PCSK5: variants seen among roughly 807,000 people sequenced by gnomAD.
PCSK5 encodes proprotein convertase subtilisin/kexin type 5, also known as prohormone convertase 5.
PCSK5 carries 129 observed loss-of-function variants against 233.2 expected under a neutral mutation model. The observed-to-expected ratio is 0.55, with a 90% confidence interval of 0.48 to 0.64. The LOEUF is 0.64. Ranked by LOEUF, PCSK5 falls within the 30% of genes least tolerant of loss-of-function variation. PCSK5 has a pLI of 0.00. For synonymous variants in PCSK5, 825 were observed against 879.2 expected, an observed-to-expected ratio of 0.94 and a Z score of 1.09; for missense variants, 2,076 against 2,430.1, an observed-to-expected ratio of 0.85 and a Z score of 3.06.
At chr9:76,296,607 A>G in intron 26 of PCSK5, 58 bp from the exon 27 acceptor site, 1 of 1,143,446 alleles carries the variant, frequency 8.7e-7, no homozygotes, top group Non-Finnish European at 1.3e-6. Flanking sequence ...CCTCTTTAGA[A>G]CTTGGCCTTG....
chr9:76,204,178 T>C (rs918144889), intron 20 of PCSK5, among the ~76,000 whole-genome samples: 5 of 152,202 alleles, frequency 3.3e-5, no homozygotes, highest in South Asian at 2.1e-4. Flanking sequence ...TGAGTTTCTC[T>C]TGAATCTGTC....
chr9:76,219,784 T>G (rs971928980), intron 20 of PCSK5, among the ~76,000 whole-genome samples: 1 of 152,220 alleles, frequency 6.6e-6, no homozygotes, highest in Non-Finnish European at 1.5e-5. Context: ...TCATTCACTT[T>G]CTCAGTAAGC....
intron 14 of PCSK5, among the ~76,000 whole-genome samples, chr9:76,176,306 T>C (rs955571232): frequency 6.6e-6 from 1 of 152,206 alleles, no homozygotes; most frequent in African/African-American, 2.4e-5. Flanking sequence ...TGTAACAATA[T>C]AGTAAGTTCT....
At chr9:76,169,285 T>C (rs1823226569) in intron 12 of PCSK5, among the ~76,000 whole-genome samples, 1 of 152,106 alleles carries the variant, frequency 6.6e-6, no homozygotes, top group South Asian at 2.1e-4. Flanking sequence ...GATTGTTGAG[T>C]TTTATGGTGA....
intron 5 of PCSK5, among the ~76,000 whole-genome samples, chr9:76,037,078 T>A (rs1171770260): frequency 6.6e-6 from 1 of 152,222 alleles, no homozygotes; most frequent in Non-Finnish European, 1.5e-5. Context: ...ATTATATAAA[T>A]TTGACTCCAC....
intron 5 of PCSK5, among the ~76,000 whole-genome samples, chr9:76,064,557 G>T (rs905162604): frequency 1.3e-5 from 2 of 149,984 alleles, no homozygotes; most frequent in Non-Finnish European, 3.0e-5. Context: ...GGGCGGAGAC[G>T]CTCCTCACTT....
At chr9:76,340,094 C>A (rs1382684884) in intron 35 of PCSK5, among the ~76,000 whole-genome samples, 1 of 152,130 alleles carries the variant, frequency 6.6e-6, no homozygotes, top group African/African-American at 2.4e-5. Flanking sequence ...CAGGAGTATT[C>A]TTCCTCCTTA....
At chr9:76,096,212 C>G in intron 8 of PCSK5, 110 bp downstream of exon 8, 1 of 683,664 alleles carries the variant, frequency 1.5e-6, no homozygotes, top group Non-Finnish European at 2.5e-6. Context: ...CACACACACA[C>G]ACAGAAGTAA....
chr9:76,277,803 C>T (rs552451643), intron 24 of PCSK5, among the ~76,000 whole-genome samples: 2 of 152,064 alleles, frequency 1.3e-5, no homozygotes, highest in South Asian at 2.1e-4. Flanking sequence ...AAGTGCAAGA[C>T]CTATTTGAAT....
intron 15 of PCSK5, among the ~76,000 whole-genome samples, chr9:76,180,783 C>T (rs997426411): frequency 6.6e-6 from 1 of 152,166 alleles, no homozygotes; most frequent in African/African-American, 2.4e-5. Flanking sequence ...ATCTCCCAGC[C>T]TCTGTTATCT....
chr9:76,328,336 T>C (rs1829431675), intron 33 of PCSK5, 97 bp downstream of exon 33: 3 of 871,602 alleles, frequency 3.4e-6, no homozygotes, highest in Admixed American at 4.2e-5. Flanking sequence ...TCTTTCTTTT[T>C]GATTTTTTGC....
rs1422117580 is a variant in PCSK5 at position 76,359,885 on chromosome 9, T to A, written c.*963T>A. 2 of 151,678 alleles carry A rather than the reference T, an allele frequency of 1.3e-5. No individual in the cohort carries two copies. The highest frequency in any genetic ancestry group is 4.8e-5 in the African/African-American group (2 of 41,282). The allele number at this position is 151,678 out of a possible 1,614,324, so 9.4% of individuals were successfully genotyped here. A position where few individuals can be genotyped will look rare whatever the true frequency, so the allele number is the denominator to read the frequency against. Reference sequence around the variant, plus strand: ...GAAAGAGTTGGAATAGAGTCTAACATGGAAAAAAAAAAATCCCAATATGCT... The same window carrying A: ...GAAAGAGTTGGAATAGAGTCTAACAAGGAAAAAAAAAAATCCCAATATGCT... On this transcript the variant is annotated 3_prime_UTR_variant, in exon 38 of 38. Transcript: ENST00000674117.
At chr9:76,106,416 A>G (rs548020255) in intron 8 of PCSK5, among the ~76,000 whole-genome samples, 9 of 152,342 alleles carry the variant, frequency 5.9e-5, no homozygotes, top group South Asian at 4.1e-4. Context: ...TATTTTTTCC[A>G]TAGTGAGAAA....
At chr9:76,282,147 T>TTTTTTTTTTTTTTC (rs1827894461) in intron 24 of PCSK5, among the ~76,000 whole-genome samples, 1 of 135,294 alleles carries the variant, frequency 7.4e-6, no homozygotes, top group African/African-American at 3.0e-5. Flanking sequence ...TTTTTTTTTT[T>TTTTTTTTTTTTTTC]CGCTCTGTTG....
intron 5 of PCSK5, 41 bp downstream of exon 5, chr9:76,027,078 G>A: frequency 7.3e-7 from 1 of 1,370,534 alleles, no homozygotes; most frequent in Non-Finnish European, 1.0e-6. Context: ...TGGCTGGCAA[G>A]GAGCTTTGTT....
At chr9:76,060,024 A>G (rs920288013) in intron 5 of PCSK5, among the ~76,000 whole-genome samples, 2 of 152,180 alleles carry the variant, frequency 1.3e-5, no homozygotes, top group Non-Finnish European at 2.9e-5. Context: ...GACTTTCTCA[A>G]AGGTCTTTTC....
At chr9:75,990,864 A>G (rs1826738541) in intron 3 of PCSK5, among the ~76,000 whole-genome samples, 3 of 152,134 alleles carry the variant, frequency 2.0e-5, no homozygotes, top group African/African-American at 4.8e-5. Flanking sequence ...TTTGATGTGG[A>G]GTGGGGCAAA....
At chr9:75,929,840 C>T (rs138388281) in intron 1 of PCSK5, among the ~76,000 whole-genome samples, 8 of 151,914 alleles carry the variant, frequency 5.3e-5, no homozygotes, top group African/African-American at 1.9e-4. Context: ...AGGGGTTTCC[C>T]CTTATAAAAC....
intron 23 of PCSK5, among the ~76,000 whole-genome samples, chr9:76,239,585 A>G (rs1826364595): frequency 6.6e-6 from 1 of 151,778 alleles, no homozygotes. Context: ...AATCCCAGCT[A>G]CACAGGAGGT....
Sources: gnomAD v4.1 joint callset for allele counts (sites outside exome capture counted in the v4.1 genomes callset) on GRCh38, gnomAD v4.1.1 for gene constraint, MANE v1.5 for transcripts, NCBI Gene and HGNC (gene_info 2026-07-23, HGNC 2026-07-21) for gene names.